PTPN3: variants seen among roughly 807,000 people sequenced by gnomAD.
The protein encoded by PTPN3 is protein tyrosine phosphatase non-receptor type 3.
Under a neutral mutation model 132.7 loss-of-function variants are expected in PTPN3, and 96 were observed. The ratio of observed to expected loss-of-function variants is 0.72; its 90% CI spans 0.61 to 0.86. The LOEUF (loss-of-function observed/expected upper bound fraction) is 0.86, where lower values mean the gene tolerates loss of function less well. Ranked by LOEUF, PTPN3 falls within the 40% of genes least tolerant of loss-of-function variation. The probability of loss-of-function intolerance (pLI) is 0.00; values close to 1 mark genes in which losing one functional copy is unlikely to be tolerated. For synonymous variants in PTPN3, 398 were observed against 429.0 expected (o/e 0.93, Z 0.89); for missense variants, 1,125 against 1,159.6 (o/e 0.97, Z 0.43).
intron 1 of PTPN3, among the ~76,000 whole-genome samples, chr9:109,471,451 T>C (rs545638340): frequency 3.3e-5 from 5 of 152,300 alleles, no homozygotes; most frequent in Admixed American, 2.0e-4. Flanking sequence ...ATCATGCCCC[T>C]TTATCTCGAA....
intron 19 of PTPN3, among the ~76,000 whole-genome samples, chr9:109,394,154 C>T (rs913157252): frequency 4.6e-5 from 7 of 152,180 alleles, no homozygotes; most frequent in South Asian, 2.1e-4. Flanking sequence ...TTTACCTAAA[C>T]GGCATTTTAG....
intron 1 of PTPN3, among the ~76,000 whole-genome samples, chr9:109,467,498 T>C (rs150953564): frequency 2.3e-4 from 35 of 152,218 alleles, no homozygotes; most frequent in East Asian, 9.6e-4. Flanking sequence ...AGGGTGTGTT[T>C]TGGATGGATG....
chr9:109,491,868 G>A (rs925725340), intron 1 of PTPN3, among the ~76,000 whole-genome samples: 23 of 152,224 alleles, frequency 1.5e-4, no homozygotes, highest in Non-Finnish European at 7.3e-5. Flanking sequence ...AGGGCCTGCA[G>A]GAGATGCTGA....
rs866930581 is a variant in PTPN3, at chr9:109,458,738, C to T, written c.139-1339G>A. Among the ~76,000 whole-genome samples, 7 of 152,162 alleles carry T rather than the reference C, an allele frequency of 4.6e-5. No homozygotes were observed. In the South Asian group the frequency reaches 1.5e-3, roughly 32 times the overall value. On this transcript the variant is annotated intron_variant, in intron 2 of 25. Coordinates refer to ENST00000374541, the MANE Select transcript of PTPN3 (RefSeq NM_002829.4). ...GGCACCATCCATCAGAAAAGAATCA[C>T]AATAGGTGGGGAAAGAATGACCCAG...
At chr9:109,445,742 T>A (rs1453760866) in intron 6 of PTPN3, among the ~76,000 whole-genome samples, 2 of 152,238 alleles carry the variant, frequency 1.3e-5, no homozygotes, top group Non-Finnish European at 2.9e-5. Context: ...TTACCCTCTT[T>A]CTAAAATAGT....
chr9:109,459,752 T>G (rs893425847), intron 2 of PTPN3, among the ~76,000 whole-genome samples: 16 of 152,020 alleles, frequency 1.1e-4, no homozygotes, highest in African/African-American at 3.9e-4. Context: ...TCGGGGTAGG[T>G]GCTTGCTTTC....
the PTPN3 span, among the ~76,000 whole-genome samples, chr9:109,536,731 C>T: frequency 1.3e-5 from 2 of 152,144 alleles, no homozygotes; most frequent in East Asian, 3.9e-4. Context: ...CCTGCCAACT[C>T]CTTTGAACAA....
At chr9:109,467,647 C>T (rs73654247) in intron 1 of PTPN3, among the ~76,000 whole-genome samples, 4,207 of 152,236 alleles carry the variant, frequency 0.028, 180 homozygotes, top group African/African-American at 0.095. Context: ...CAGAAAAAAA[C>T]TAAGATTTGA....
At chr9:109,390,603 T>TAATAA (rs766697073) in intron 21 of PTPN3, among the ~76,000 whole-genome samples, 6 of 151,982 alleles carry the variant, frequency 3.9e-5, no homozygotes, top group Admixed American at 6.6e-5. Context: ...AGTATAATAA[T>TAATAA]AATAAAATAA....
At chr9:109,431,191 G>GT (rs1484895479) in intron 10 of PTPN3, among the ~76,000 whole-genome samples, 1 of 152,230 alleles carries the variant, frequency 6.6e-6, no homozygotes, top group East Asian at 1.9e-4. Flanking sequence ...GGGTTGGAGA[G>GT]TCCCTGCAGG....
intron 10 of PTPN3, among the ~76,000 whole-genome samples, chr9:109,431,546 T>C (rs953665697): frequency 1.3e-5 from 2 of 152,210 alleles, no homozygotes; most frequent in African/African-American, 4.8e-5. Flanking sequence ...TTGCTTCCTC[T>C]GAGGGGCTTC....
chr9:109,480,116 T>G (rs1229681514), intron 1 of PTPN3, among the ~76,000 whole-genome samples: 1 of 152,246 alleles, frequency 6.6e-6, no homozygotes, highest in African/African-American at 2.4e-5. Context: ...TGGCAATTTG[T>G]GCATCTTTAG....
At chr9:109,423,265 T>C (rs1420110746) in intron 12 of PTPN3, among the ~76,000 whole-genome samples, 2 of 152,250 alleles carry the variant, frequency 1.3e-5, no homozygotes, top group Admixed American at 6.5e-5. Context: ...GCTGTCACTA[T>C]AAATCACTGG....
intron 1 of PTPN3, among the ~76,000 whole-genome samples, chr9:109,478,367 T>C (rs1846790400): frequency 6.6e-6 from 1 of 152,050 alleles, no homozygotes; most frequent in Non-Finnish European, 1.5e-5. Flanking sequence ...AACACTTCCC[T>C]GACCCCTTCT....
intron 14 of PTPN3, among the ~76,000 whole-genome samples, chr9:109,412,535 G>A (rs578060736): frequency 6.6e-6 from 1 of 152,102 alleles, no homozygotes; most frequent in East Asian, 1.9e-4. Context: ...CACCACACCC[G>A]GCTAATTTTT....
At chr9:109,426,188 T>C (rs887789572) in intron 12 of PTPN3, among the ~76,000 whole-genome samples, 8 of 150,440 alleles carry the variant, frequency 5.3e-5, no homozygotes, top group South Asian at 2.1e-4. Context: ...TTTTAAAATG[T>C]ATATACGAAT....
chr9:109,480,133 G>A (rs373012776), intron 1 of PTPN3, among the ~76,000 whole-genome samples: 2 of 152,246 alleles, frequency 1.3e-5, no homozygotes, highest in South Asian at 4.1e-4. Context: ...TTAGAGAAAT[G>A]TCTATTCAAG....
Position 109,451,523 on chromosome 9 carries a change from C to T in PTPN3, c.369-2668G>A, listed in dbSNP as rs543762305. On this transcript the variant is annotated intron_variant, in intron 5 of 25. Coordinates refer to ENST00000374541, the MANE Select transcript of PTPN3 (RefSeq NM_002829.4). The stretch of plus-strand genomic sequence containing the variant: ...CACCCACTGGCCACAATTCTACGAC[C>T]CTGCACATCTAGTTCCCCTTTTCCC... 9.2e-5 allele frequency: 51 copies of T among 553,234 alleles called. No homozygotes were observed. In the African/African-American group the frequency reaches 1.0e-3, roughly 11 times the overall value. 34.3% of individuals were successfully genotyped at this position (553,234 alleles called of 1,614,324 possible).
At chr9:109,517,370 A>G in the PTPN3 span, among the ~76,000 whole-genome samples, 1 of 152,224 alleles carries the variant, frequency 6.6e-6, no homozygotes, top group African/African-American at 2.4e-5. Flanking sequence ...ATCAGGTCCC[A>G]ATACCTGGAG....
Sources: gnomAD v4.1 joint callset for allele counts (sites outside exome capture counted in the v4.1 genomes callset) on GRCh38, gnomAD v4.1.1 for gene constraint, MANE v1.5 for transcripts, NCBI Gene and HGNC (gene_info 2026-07-23, HGNC 2026-07-21) for gene names.